The following KCNQ3 variants were observed in gnomAD, a reference collection of about 807,000 sequenced individuals.
KCNQ3 encodes potassium voltage-gated channel subfamily Q member 3.
A neutral mutation model predicts 92.5 loss-of-function variants in KCNQ3; 30 were observed. The observed-to-expected ratio is 0.32, with a 90% CI of 0.24 to 0.44. The LOEUF is 0.44. Ranked by LOEUF, KCNQ3 falls within the 20% of genes least tolerant of loss-of-function variation. The pLI is 1.00. For missense variants in KCNQ3, 913 were observed against 1,140.3 expected (o/e 0.80, Z 2.87); for synonymous variants, 450 against 468.8 (o/e 0.96, Z 0.52).
At chr8:132,333,111 T>C (rs1038123258) in intron 1 of KCNQ3, among the ~76,000 whole-genome samples, 5 of 152,286 alleles carry the variant, frequency 3.3e-5, no homozygotes, top group South Asian at 4.1e-4. Flanking sequence ...CAGGGTTCCA[T>C]TGGCATTCAT....
At chr8:132,403,581 A>G (rs935840434) in intron 1 of KCNQ3, among the ~76,000 whole-genome samples, 9 of 152,342 alleles carry the variant, frequency 5.9e-5, no homozygotes, top group African/African-American at 1.7e-4. Flanking sequence ...AGGAACACCA[A>G]TGATCCATCC....
intron 1 of KCNQ3, among the ~76,000 whole-genome samples, chr8:132,418,575 C>T (rs949794847): frequency 1.3e-5 from 2 of 152,142 alleles, no homozygotes; most frequent in African/African-American, 4.8e-5. Flanking sequence ...CACTTGAGAC[C>T]AGGAGTTCAA....
At position 132,419,346 on chromosome 8, in the gene KCNQ3, A is replaced by G. The variant is rs548909978; in HGVS notation, c.386+60801T>C. On this transcript the variant is annotated intron_variant, in intron 1 of 14. Coordinates refer to ENST00000388996, the MANE Select transcript of KCNQ3 (RefSeq NM_004519.4). ...GCAGGTCACGGGCATCATTGAAGAT[A>G]GAGCCACCCTAGTAAAATGCAATAA... Among the ~76,000 whole-genome samples, 46 of 152,344 alleles carry G rather than the reference A, an allele frequency of 3.0e-4. No homozygotes were observed. In the South Asian group the frequency reaches 8.9e-3, roughly 30 times the overall value.
chr8:132,475,243 G>T (rs9643290), intron 1 of KCNQ3, among the ~76,000 whole-genome samples: 1 of 152,028 alleles, frequency 6.6e-6, no homozygotes, highest in Non-Finnish European at 1.5e-5. Flanking sequence ...GGAAATTGGT[G>T]CCTGGAGTTT....
intron 3 of KCNQ3, among the ~76,000 whole-genome samples, chr8:132,180,969 T>C (rs1826747739): frequency 6.6e-6 from 1 of 152,120 alleles, no homozygotes; most frequent in South Asian, 2.1e-4. Flanking sequence ...CTCCTGCTGG[T>C]TGAAGGTCAT....
At chr8:132,178,525 C>A (rs933202732) in intron 4 of KCNQ3, among the ~76,000 whole-genome samples, 2 of 152,168 alleles carry the variant, frequency 1.3e-5, no homozygotes, top group African/African-American at 4.8e-5. Flanking sequence ...CTCGCATGAG[C>A]ACCCAGGAGG....
chr8:132,259,625 T>C (rs1815706112), intron 1 of KCNQ3, among the ~76,000 whole-genome samples: 1 of 152,124 alleles, frequency 6.6e-6, no homozygotes, highest in African/African-American at 2.4e-5. Flanking sequence ...ACATTTCTAT[T>C]CGACTTTGGA....
intron 1 of KCNQ3, among the ~76,000 whole-genome samples, chr8:132,275,090 G>A (rs1816282377): frequency 6.6e-6 from 1 of 152,084 alleles, no homozygotes; most frequent in African/African-American, 2.4e-5. Flanking sequence ...AGTAAAGTCA[G>A]GACATAATTT....
rs1160858528 is a variant in KCNQ3, at chr8:132,126,866, T to G, written c.*2396A>C. 6.6e-6 allele frequency: 1 copy of G among 152,188 alleles called. No homozygotes were observed. Among genetic ancestry groups the G allele is most frequent in the Non-Finnish European group, 1.5e-5 (1 of 68,044 alleles). 9.4% of individuals were successfully genotyped at this position (152,188 alleles called of 1,614,324 possible). ...AGTTGCTGGAAAATGCATCATCTAT[T>G]GGTAAAATACTTAAGATAGTAAGTT... On this transcript the variant is annotated 3_prime_UTR_variant, in exon 15 of 15. Coordinates refer to ENST00000388996, the MANE Select transcript of KCNQ3 (RefSeq NM_004519.4).
intron 1 of KCNQ3, among the ~76,000 whole-genome samples, chr8:132,403,078 G>A (rs1454076377): frequency 6.8e-6 from 1 of 148,120 alleles, no homozygotes; most frequent in Non-Finnish European, 1.5e-5. Flanking sequence ...CCATACTAAT[G>A]CAGAAAGTTA....
chr8:132,162,418 T>C (rs1586786937), intron 9 of KCNQ3, among the ~76,000 whole-genome samples: 2 of 151,942 alleles, frequency 1.3e-5, no homozygotes, highest in African/African-American at 4.8e-5. Flanking sequence ...GCTTATGGGG[T>C]GTGTGATGTG....
chr8:132,331,703 C>T (rs1437293415), intron 1 of KCNQ3, among the ~76,000 whole-genome samples: 2 of 152,136 alleles, frequency 1.3e-5, no homozygotes, highest in African/African-American at 4.8e-5. Context: ...GGAGACACAG[C>T]ATAGTATAAT....
At chr8:132,361,196 C>T (rs373099711) in intron 1 of KCNQ3, among the ~76,000 whole-genome samples, 1 of 152,218 alleles carries the variant, frequency 6.6e-6, no homozygotes, top group Non-Finnish European at 1.5e-5. Flanking sequence ...CCCCTGACCA[C>T]TTTCCAATAG....
chr8:132,260,125 C>A (rs956860425), intron 1 of KCNQ3, among the ~76,000 whole-genome samples: 1 of 152,140 alleles, frequency 6.6e-6, no homozygotes, highest in African/African-American at 2.4e-5. Context: ...GTAGAATTTA[C>A]AAAAATTGAA....
intron 1 of KCNQ3, among the ~76,000 whole-genome samples, chr8:132,300,988 C>T (rs1817196983): frequency 6.6e-6 from 1 of 152,124 alleles, no homozygotes; most frequent in Admixed American, 6.5e-5. Context: ...ATTAAGCCAG[C>T]CAATGAAGAA....
chr8:132,183,700 A>G (rs1225330817), intron 3 of KCNQ3, among the ~76,000 whole-genome samples: 6 of 152,234 alleles, frequency 3.9e-5, no homozygotes, highest in Non-Finnish European at 8.8e-5. Context: ...TGGATTAAGA[A>G]GCAAGACCAC....
intron 1 of KCNQ3, among the ~76,000 whole-genome samples, chr8:132,261,540 T>G (rs1028166426): frequency 1.6e-4 from 25 of 152,188 alleles, no homozygotes; most frequent in Admixed American, 8.5e-4. Flanking sequence ...AAAGGCAATA[T>G]GCAGTCTTCC....
intron 1 of KCNQ3, among the ~76,000 whole-genome samples, chr8:132,444,573 G>A (rs1214643284): frequency 6.6e-6 from 1 of 152,172 alleles, no homozygotes; most frequent in Non-Finnish European, 1.5e-5. Flanking sequence ...TAAAAATAAA[G>A]GAATAAATAA....
At chr8:132,201,428 T>C (rs1827456323) in intron 1 of KCNQ3, among the ~76,000 whole-genome samples, 1 of 152,128 alleles carries the variant, frequency 6.6e-6, no homozygotes, top group African/African-American at 2.4e-5. Flanking sequence ...ACAGCACAAT[T>C]CATCCTGAGG....
Sources: gnomAD v4.1 joint callset for allele counts (sites outside exome capture counted in the v4.1 genomes callset) on GRCh38, gnomAD v4.1.1 for gene constraint, MANE v1.5 for transcripts, NCBI Gene and HGNC (gene_info 2026-07-23, HGNC 2026-07-21) for gene names.